Variants in AKAIN1 observed in about 807,000 individuals in gnomAD.
The protein encoded by AKAIN1 is A-kinase anchor protein inhibitor 1.
Under a neutral mutation model 3.7 loss-of-function variants are expected in AKAIN1, and 3 were observed. The ratio of observed to expected loss-of-function variants is 0.82; its 90% CI spans 0.37 to 2.12. The LOEUF (loss-of-function observed/expected upper bound fraction) is 2.12. Ranked by LOEUF, AKAIN1 falls within the 30% of genes most tolerant of loss-of-function variation. The pLI is 0.06. For synonymous variants in AKAIN1, 31 were observed against 30.8 expected, an observed-to-expected ratio of 1.01 and a Z score of -0.02; for missense variants, 82 against 82.7, an observed-to-expected ratio of 0.99 and a Z score of 0.03.
intron 1 of AKAIN1, among the ~76,000 whole-genome samples, chr18:5,192,831 C>CA (rs1183728624): frequency 6.6e-6 from 1 of 152,018 alleles, no homozygotes; most frequent in African/African-American, 2.4e-5. Context: ...AAAGGGGTAG[C>CA]ACAAGAGAAA....
At chr18:5,156,539 T>G (rs2143321939) in intron 1 of AKAIN1, among the ~76,000 whole-genome samples, 1 of 152,306 alleles carries the variant, frequency 6.6e-6, no homozygotes. Context: ...CTCCCAACCT[T>G]TTGAAGACGA....
chr18:5,196,506 T>C (rs1366153409), intron 1 of AKAIN1, among the ~76,000 whole-genome samples: 1 of 152,090 alleles, frequency 6.6e-6, no homozygotes, highest in Non-Finnish European at 1.5e-5. Flanking sequence ...CCGGTCGGAG[T>C]TTCAGGTCTA....
chr18:5,191,318 T>A (rs1180093654), intron 1 of AKAIN1, among the ~76,000 whole-genome samples: 2 of 152,100 alleles, frequency 1.3e-5, no homozygotes, highest in South Asian at 4.1e-4. Context: ...GAAAACAGGG[T>A]CAACATGCAA....
In AKAIN1 at chr18:5,176,648, T is replaced by A. The variant is rs146529513; in HGVS notation, c.16+20390A>T. Among the ~76,000 whole-genome samples, 539 of 152,216 alleles carry A rather than the reference T, an allele frequency of 3.5e-3. 3 individuals carry two copies. The highest frequency in any genetic ancestry group is 0.012 in the African/African-American group (516 of 41,528). On this transcript the variant is annotated intron_variant, in intron 1 of 1. Coordinates refer to ENST00000434239, the MANE Select transcript of AKAIN1 (RefSeq NM_001145194.2). ...GTTTTTCTGTCAGGACAATGTGAGA[T>A]TAGAAAAGGATGAGACACATCTCTT...
intron 1 of AKAIN1, among the ~76,000 whole-genome samples, chr18:5,179,553 T>A (rs1379727509): frequency 6.6e-6 from 1 of 152,166 alleles, no homozygotes; most frequent in Non-Finnish European, 1.5e-5. Flanking sequence ...AATGCAGGTA[T>A]CTTTTTGTTA....
chr18:5,196,724 T>A (rs2071349987), intron 1 of AKAIN1, among the ~76,000 whole-genome samples: 1 of 152,108 alleles, frequency 6.6e-6, no homozygotes, highest in Admixed American at 6.5e-5. Flanking sequence ...CCCGTGTAGG[T>A]GCCGGTGCTG....
chr18:5,194,297 A>G (rs1439271093), intron 1 of AKAIN1, among the ~76,000 whole-genome samples: 3 of 152,174 alleles, frequency 2.0e-5, no homozygotes, highest in African/African-American at 7.2e-5. Flanking sequence ...CTCCTAAATT[A>G]TAGTCTATTA....
chr18:5,155,388 T>G (rs551599767), intron 1 of AKAIN1, among the ~76,000 whole-genome samples: 1 of 152,120 alleles, frequency 6.6e-6, no homozygotes, highest in Non-Finnish European at 1.5e-5. Flanking sequence ...ATGCGTAGGT[T>G]TCTCTTTTCG....
In AKAIN1 at chr18:5,197,169, G is replaced by A; in HGVS notation, c.-116C>T. On this transcript the variant is annotated 5_prime_UTR_variant, in exon 1 of 2. Coordinates refer to ENST00000434239, the MANE Select transcript of AKAIN1 (RefSeq NM_001145194.2). The surrounding 1 kb of genome is among the most constrained non-coding windows in gnomAD (Gnocchi z 6.9). ...CAGGAGGGCGCGCTGGGCGGGCGGC[G>A]GGCGGGGCGGTCAGCACCCCGGACA... 2.0e-6 allele frequency: 3 copies of A among 1,514,828 alleles called. No individual in the cohort carries two copies. Among genetic ancestry groups the A allele is most frequent in the East Asian group, 2.6e-5 (1 of 39,136 alleles). 93.8% of individuals were successfully genotyped at this position (1,514,828 alleles called of 1,614,324 possible). A position where few individuals can be genotyped will look rare whatever the true frequency, so the allele number is the denominator to read the frequency against.
rs2143363489 is a variant in AKAIN1 at position 5,178,330 on chromosome 18, T to C, written c.16+18708A>G. Among the ~76,000 whole-genome samples the C allele has an allele frequency of 1.3e-5, 2 of 152,182 alleles. 1 individual carries two copies. The highest frequency in any genetic ancestry group is 4.2e-4 in the South Asian group (2 of 4,806). On this transcript the variant is annotated intron_variant, in intron 1 of 1. Transcript: ENST00000434239. The stretch of plus-strand genomic sequence containing the variant: ...CTGGAGGCTGAAGCAGGAGGATTAC[T>C]GGAGCCCAATACCAGCTTGGGCAAC...
chr18:5,190,535 A>G (rs189754720), intron 1 of AKAIN1, among the ~76,000 whole-genome samples: 17 of 152,366 alleles, frequency 1.1e-4, no homozygotes, highest in Middle Eastern at 3.4e-3. Context: ...CATTTAAAAA[A>G]GAAATTATAC....
chr18:5,159,927 C>G (rs914423186), intron 1 of AKAIN1, among the ~76,000 whole-genome samples: 1 of 152,180 alleles, frequency 6.6e-6, no homozygotes, highest in Non-Finnish European at 1.5e-5. Context: ...ATATTGTTGT[C>G]TGTATCTTTG....
chr18:5,145,597 C>A lies in AKAIN1; in HGVS notation c.175G>T (p.Val59Phe), dbSNP rs745657091. 6.4e-7 allele frequency: 1 copy of A among 1,551,642 alleles called. No homozygotes were observed. Among genetic ancestry groups the A allele is most frequent in the African/African-American group, 1.4e-5 (1 of 73,166 alleles). Reference protein sequence around the residue: ...SDNRDHIQLGVGELTKKHEKK With the variant: ...SDNRDHIQLGFGELTKKHEKK Reference sequence around the variant, plus strand: ...TCGTGCTTCTTGGTTAACTCCCCAACGCCCAGTTGGATGTGGTCCCGGTTG... The same window carrying A: ...TCGTGCTTCTTGGTTAACTCCCCAAAGCCCAGTTGGATGTGGTCCCGGTTG... Residue 59 changes from valine (V) to phenylalanine (F), a missense_variant, in exon 2 of 2, where the codon GTT (valine) becomes TTT (phenylalanine). Physicochemically the swap from Val to Phe is conservative, Grantham distance 50 (BLOSUM62 -1). Coordinates refer to ENST00000434239, the MANE Select transcript of AKAIN1 (RefSeq NM_001145194.2).
chr18:5,147,474 T>C (rs547948993), intron 1 of AKAIN1, among the ~76,000 whole-genome samples: 2 of 152,312 alleles, frequency 1.3e-5, no homozygotes, highest in East Asian at 1.9e-4. Context: ...ATGGACATCA[T>C]TTCTTATTTA....
At chr18:5,195,082 C>T (rs2071340186) in intron 1 of AKAIN1, among the ~76,000 whole-genome samples, 1 of 152,038 alleles carries the variant, frequency 6.6e-6, no homozygotes, top group African/African-American at 2.4e-5. Context: ...GTATTTTTAG[C>T]ATCCTGTTCT....
chr18:5,157,467 A>G (rs1664953586), intron 1 of AKAIN1, among the ~76,000 whole-genome samples: 1 of 152,176 alleles, frequency 6.6e-6, no homozygotes, highest in Non-Finnish European at 1.5e-5. Context: ...TTGGCCTCCC[A>G]TTGCATTTGG....
At chr18:5,183,977 C>G (rs1221947599) in intron 1 of AKAIN1, among the ~76,000 whole-genome samples, 1 of 152,062 alleles carries the variant, frequency 6.6e-6, no homozygotes, top group African/African-American at 2.4e-5. Flanking sequence ...CTTGGAAACA[C>G]TTCAGCACTA....
At chr18:5,192,525 C>T (rs1457966812) in intron 1 of AKAIN1, among the ~76,000 whole-genome samples, 2 of 151,638 alleles carry the variant, frequency 1.3e-5, no homozygotes, top group Admixed American at 1.3e-4. Flanking sequence ...CTTGGCATCC[C>T]AAAGTATTGG....
intron 1 of AKAIN1, among the ~76,000 whole-genome samples, chr18:5,157,701 A>T (rs662618): frequency 0.76 from 115,474 of 151,666 alleles, 44,543 homozygotes; most frequent in African/African-American, 0.89. Flanking sequence ...AACTTTTTTT[A>T]AAATTATTAA....
Sources: gnomAD v4.1 joint callset for allele counts (sites outside exome capture counted in the v4.1 genomes callset) on GRCh38, gnomAD v4.1.1 for gene constraint, Gnocchi (gnomAD v3.1) non-coding constraint, MANE v1.5 for transcripts, NCBI Gene and HGNC (gene_info 2026-07-23, HGNC 2026-07-21) for gene names.